Variants in FADS3 observed in about 807,000 individuals in gnomAD.
FADS3 encodes the protein fatty acid desaturase 3.
In FADS3, 30 loss-of-function variants were observed where a neutral mutation model predicts 60.4. That is an observed-to-expected ratio of 0.50 (90% CI 0.37 to 0.67). The LOEUF is 0.67. Ranked by LOEUF, FADS3 falls within the 30% of genes least tolerant of loss-of-function variation. The pLI is 0.00. For missense variants in FADS3, 432 were observed against 598.3 expected, an observed-to-expected ratio of 0.72 and a Z score of 2.90; for synonymous variants, 234 against 249.3, an observed-to-expected ratio of 0.94 and a Z score of 0.58.
At chr11:61,881,698 G>T (rs1250799055) in intron 1 of FADS3, 1 of 152,202 alleles carries the variant, frequency 6.6e-6, no homozygotes, top group East Asian at 1.9e-4. Context: ...GTCACTGCCA[G>T]GACATTCTCC....
At chr11:61,874,545 A>T (rs997791228) in intron 11 of FADS3, among the ~76,000 whole-genome samples, 1 of 152,028 alleles carries the variant, frequency 6.6e-6, no homozygotes, top group Non-Finnish European at 1.5e-5. Flanking sequence ...CTCCTTTTCC[A>T]CTTCGACTCC....
chr11:61,875,195 T>G (rs1277307192), intron 11 of FADS3, among the ~76,000 whole-genome samples: 1 of 152,166 alleles, frequency 6.6e-6, no homozygotes, highest in Non-Finnish European at 1.5e-5. Flanking sequence ...AACTCTTGGC[T>G]GCCTGAGACA....
chr11:61,875,677 G>A (rs1166000488), intron 11 of FADS3, among the ~76,000 whole-genome samples, 174 bp downstream of exon 11: 1 of 152,234 alleles, frequency 6.6e-6, no homozygotes, highest in East Asian at 1.9e-4. Flanking sequence ...GTCTGCAGTA[G>A]GTGCTCCAGA....
intron 2 of FADS3, 110 bp from the exon 3 acceptor site, chr11:61,879,619 G>T: frequency 9.3e-7 from 1 of 1,078,782 alleles, no homozygotes; most frequent in Non-Finnish European, 1.3e-6. Flanking sequence ...TGTGGGCAAA[G>T]AGGAATGAAG....
In FADS3 at chr11:61,873,747, G is replaced by T; in HGVS notation, c.*67C>A. The T allele has an allele frequency of 8.1e-7, 1 of 1,237,368 alleles. No homozygotes were observed. The highest frequency in any genetic ancestry group is 1.2e-6 in the Non-Finnish European group (1 of 855,060). The allele number at this position is 1,237,368 out of a possible 1,614,324, so 76.6% of individuals were successfully genotyped here. On this transcript the variant is annotated 3_prime_UTR_variant, in exon 12 of 12. Transcript: ENST00000278829. ...TGGCCAGTGGAGGGGTGAGGGTATC[G>T]ATCCCGCCGGGGGCTGGCTTGGTTG...
chr11:61,873,751 C>T lies in FADS3; in HGVS notation c.*63G>A. Reference sequence around the variant, plus strand: ...CAGTGGAGGGGTGAGGGTATCGATCCCGCCGGGGGCTGGCTTGGTTGCTGG... The same window carrying T: ...CAGTGGAGGGGTGAGGGTATCGATCTCGCCGGGGGCTGGCTTGGTTGCTGG... On this transcript the variant is annotated 3_prime_UTR_variant, in exon 12 of 12. Coordinates refer to ENST00000278829, the MANE Select transcript of FADS3 (RefSeq NM_021727.5). The T allele has an allele frequency of 1.5e-6, 2 of 1,313,766 alleles. No individual in the cohort carries two copies. The highest frequency in any genetic ancestry group is 2.2e-6 in the Non-Finnish European group (2 of 923,264). The allele number at this position is 1,313,766 out of a possible 1,614,324, so 81.4% of individuals were successfully genotyped here.
chr11:61,891,097 G>A lies in FADS3; in HGVS notation c.213+72C>T, dbSNP rs1938490216. ...AGGATGCTAAGGCCCCACAGGTGGAGCGGGACATCACGCCCACGACCGAGC... is the reference window on the plus strand; with the variant it reads ...AGGATGCTAAGGCCCCACAGGTGGAACGGGACATCACGCCCACGACCGAGC... On this transcript the variant is annotated intron_variant, in intron 1 of 11. Transcript: ENST00000278829. 8 of 1,287,694 alleles carry A rather than the reference G, an allele frequency of 6.2e-6. No individual in the cohort carries two copies. The East Asian group carries it at 1.8e-4, about 29-fold the overall frequency. 79.8% of individuals were successfully genotyped at this position (1,287,694 alleles called of 1,614,324 possible).
chr11:61,885,434 G>A lies in FADS3; in HGVS notation c.214-5283C>T, dbSNP rs577273709. 3.3e-5 allele frequency among the ~76,000 whole-genome samples: 5 copies of A among 152,310 alleles called. No homozygotes were observed. The South Asian group carries it at 1.0e-3, about 32-fold the overall frequency. ...TAAAGCACTTAGAAGGGGCCTGGCG[G>A]TTGGCAAGAGCTCCACAGCCCAGCT... On this transcript the variant is annotated intron_variant, in intron 1 of 11. Coordinates refer to ENST00000278829, the MANE Select transcript of FADS3 (RefSeq NM_021727.5).
Position 61,891,225 on chromosome 11 carries a change from G to A in FADS3, c.157C>T (p.Gln53Ter), listed in dbSNP as rs1199735245. The A allele has an allele frequency of 6.4e-7, 1 of 1,553,388 alleles. No homozygotes were observed. The highest frequency in any genetic ancestry group is 8.7e-7 in the Non-Finnish European group (1 of 1,150,248). The change falls in exon 1 of 12, where the codon CAG becomes TAG. Residue 53 changes from glutamine (Q) to a stop codon, truncating the protein, a stop_gained. Transcript: ENST00000278829. LOFTEE classifies it high-confidence loss of function. Reference protein sequence around the residue: ...RRVYDISRWAQRHPGGSRLIG... With the variant: ...RRVYDISRWA ...AGGCGGCTGCCCCCTGGGTGCCGCT[G>A]TGCCCAGCGGCTGATGTCGTAGACG...
intron 1 of FADS3, among the ~76,000 whole-genome samples, chr11:61,888,026 G>A (rs980018696): frequency 1.3e-5 from 2 of 152,232 alleles, no homozygotes; most frequent in Non-Finnish European, 2.9e-5. Flanking sequence ...GCACATAGTA[G>A]GCACTCAGCA....
chr11:61,885,483 T>A (rs1938283245), intron 1 of FADS3, among the ~76,000 whole-genome samples: 1 of 152,206 alleles, frequency 6.6e-6, no homozygotes, highest in South Asian at 2.1e-4. Context: ...GCAGCCCTGA[T>A]GAGCCTCCTC....
Position 61,877,732 on chromosome 11 carries a change from C to T in FADS3, c.809-145G>A. 1.4e-6 allele frequency: 1 copy of T among 727,822 alleles called. No individual in the cohort carries two copies. Among genetic ancestry groups the T allele is most frequent in the Non-Finnish European group, 2.3e-6 (1 of 430,966 alleles). 45.1% of individuals were successfully genotyped at this position (727,822 alleles called of 1,614,324 possible). On this transcript the variant is annotated intron_variant, in intron 6 of 11. Transcript: ENST00000278829. The surrounding 1 kb of genome is among the most constrained non-coding windows in gnomAD (Gnocchi z 4.7). ...CCAGCTGAATGACCCCATATCACCC[C>T]CAATTCTGTGTCCAAGCCTCCCCAG...
chr11:61,880,123 A>G lies in FADS3; in HGVS notation c.242T>C (p.Leu81Pro), dbSNP rs1007624620. The G allele has an allele frequency of 3.7e-6, 6 of 1,613,912 alleles. No individual in the cohort carries two copies. Among genetic ancestry groups the G allele is most frequent in the Non-Finnish European group, 5.1e-6 (6 of 1,179,948 alleles). ...CTGTAGGAACTTGCGCACAAAATTG[A>G]GATCTTGATGGAAGGCACGGAAGGC... is the stretch of plus-strand genomic sequence containing the variant. Reference protein sequence around the residue: ...TDAFRAFHQDLNFVRKFLQPL... With the variant: ...TDAFRAFHQDPNFVRKFLQPL... The change falls in exon 2 of 12, where the codon CTC becomes CCC. Residue 81 changes from leucine to proline, a missense_variant. Around this residue, in one of 5 missense-constraint regions of FADS3, gnomAD observed 167 missense variants for 188.8 expected, o/e 0.88. Transcript: ENST00000278829.
In FADS3 at chr11:61,891,525, C is replaced by A. The variant is rs1483295284; in HGVS notation, c.-144G>T. ...CCTGCCGCCGCGGCCGCCGTACGAG[C>A]GAGCGTGCGCCTCCCGGCTCGCGGC... is the stretch of plus-strand genomic sequence containing the variant. On this transcript the variant is annotated 5_prime_UTR_variant, in exon 1 of 12. Transcript: ENST00000278829. 15 of 460,666 alleles carry A rather than the reference C, an allele frequency of 3.3e-5. No homozygotes were observed. Among genetic ancestry groups the A allele is most frequent in the African/African-American group, 1.2e-4 (6 of 48,638 alleles). 28.5% of individuals were successfully genotyped at this position (460,666 alleles called of 1,614,324 possible). A position where few individuals can be genotyped will look rare whatever the true frequency, so the allele number is the denominator to read the frequency against.
In FADS3 at chr11:61,876,938, T is replaced by C. The variant is rs1478847638; in HGVS notation, c.911A>G (p.Tyr304Cys). The C allele has an allele frequency of 6.2e-7, 1 of 1,606,746 alleles. No individual in the cohort carries two copies. The highest frequency in any genetic ancestry group is 8.5e-7 in the Non-Finnish European group (1 of 1,177,488). Residue 304 changes from tyrosine (Y) to cysteine (C), a missense_variant, in exon 8 of 12, where the codon TAT (tyrosine) becomes TGT (cysteine). By Grantham distance (194) the Tyr-to-Cys change is radical. This residue lies in a region of FADS3 where 38 missense variants were observed against 34.8 expected (regional missense o/e 1.09). Coordinates refer to ENST00000278829, the MANE Select transcript of FADS3 (RefSeq NM_021727.5). The surrounding 1 kb of genome is among the most constrained non-coding windows in gnomAD (Gnocchi z 5.7). ...GAGGTAGGATAAGAAGAAGCGGGCATAGAAGCTGGCGGCCCAGAGCAAATC... is the reference window on the plus strand; with the variant it reads ...GAGGTAGGATAAGAAGAAGCGGGCACAGAAGCTGGCGGCCCAGAGCAAATC... ...WADLLWAASF[Y>C]ARFFLSYLPF...
At position 61,876,023 on chromosome 11, in the gene FADS3, A is replaced by G; in HGVS notation, c.1161-47T>C. 8 of 1,612,278 alleles carry G rather than the reference A, an allele frequency of 5.0e-6. No individual in the cohort carries two copies. In the South Asian group the frequency reaches 8.8e-5, roughly 18 times the overall value. ...TGGCACCTGAAGTGGGAGATTCCAG[A>G]GAGAGGCCCCACCCACGGGTCCCCT... On this transcript the variant is annotated intron_variant, in intron 10 of 11. Coordinates refer to ENST00000278829, the MANE Select transcript of FADS3 (RefSeq NM_021727.5). The surrounding 1 kb of genome is among the most constrained non-coding windows in gnomAD (Gnocchi z 5.7).
chr11:61,884,625 G>T (rs1361281162), intron 1 of FADS3, among the ~76,000 whole-genome samples: 1 of 152,052 alleles, frequency 6.6e-6, no homozygotes, highest in Non-Finnish European at 1.5e-5. Context: ...AGCCTGGGCT[G>T]GGGGGCAGGA....
At chr11:61,878,920 C>G in intron 3 of FADS3, 73 bp from the exon 4 acceptor site, 3 of 1,279,214 alleles carry the variant, frequency 2.3e-6, no homozygotes, top group Non-Finnish European at 3.3e-6. Flanking sequence ...CCAGTGAATC[C>G]TTTCAGCTTG....
intron 11 of FADS3, among the ~76,000 whole-genome samples, chr11:61,875,015 A>G (rs1937814915): frequency 6.6e-6 from 1 of 152,068 alleles, no homozygotes; most frequent in Admixed American, 6.5e-5. Flanking sequence ...CTGTCTGATG[A>G]CCGATGCTTG....
Sources: allele counts gnomAD v4.1 joint callset (sites outside exome capture counted in the v4.1 genomes callset), GRCh38; gene constraint gnomAD v4.1.1; regional missense constraint gnomAD v4.1.1; non-coding constraint Gnocchi (gnomAD v3.1); transcripts MANE v1.5; gene names NCBI Gene and HGNC (gene_info 2026-07-23, HGNC 2026-07-21).